The following PANX1 variants were observed in gnomAD, a reference collection of about 807,000 sequenced individuals.
PANX1 encodes the protein pannexin 1.
In PANX1, 30 loss-of-function variants were observed where a neutral mutation model predicts 38.7. The ratio of observed to expected loss-of-function variants is 0.78; its 90% CI spans 0.58 to 1.05. The LOEUF is 1.05. Ranked by LOEUF, PANX1 falls within the 50% of genes least tolerant of loss-of-function variation. PANX1 has a pLI of 0.00. For synonymous variants in PANX1, 230 were observed against 212.2 expected, an observed-to-expected ratio of 1.08 and a Z score of -0.73; for missense variants, 551 against 517.2, an observed-to-expected ratio of 1.07 and a Z score of -0.63.
At chr11:94,132,221 A>G (rs549345210) in intron 1 of PANX1, among the ~76,000 whole-genome samples, 13 of 152,342 alleles carry the variant, frequency 8.5e-5, no homozygotes, top group African/African-American at 3.1e-4. Flanking sequence ...GGTGTCAGAC[A>G]CACGTAGGAC....
intron 1 of PANX1, among the ~76,000 whole-genome samples, chr11:94,139,485 A>G (rs1473568370): frequency 6.6e-6 from 1 of 152,244 alleles, no homozygotes; most frequent in African/African-American, 2.4e-5. Flanking sequence ...ATTTTGATAT[A>G]TAATAAATAT....
intron 1 of PANX1, among the ~76,000 whole-genome samples, chr11:94,148,074 G>C (rs760411109): frequency 2.0e-5 from 3 of 152,096 alleles, no homozygotes; most frequent in Non-Finnish European, 4.4e-5. Flanking sequence ...AAAAAAAGAA[G>C]TATTTCAATT....
chr11:94,148,010 C>G (rs1439094396), intron 1 of PANX1, among the ~76,000 whole-genome samples: 1 of 152,052 alleles, frequency 6.6e-6, no homozygotes, highest in Non-Finnish European at 1.5e-5. Context: ...CTTTAAAAGC[C>G]AGGCTTAGCT....
chr11:94,180,777 T>C lies in PANX1; in HGVS notation c.1202-13T>C, dbSNP rs747392855. 5.7e-5 allele frequency: 80 copies of C among 1,396,092 alleles called. No individual in the cohort carries two copies. The South Asian group carries it at 8.7e-4, about 15-fold the overall frequency. The allele number at this position is 1,396,092 out of a possible 1,614,324, so 86.5% of individuals were successfully genotyped here. Reference sequence around the variant, plus strand: ...ATGTTTCTGTCATAAATATTTGTTTTCAATTTTGACAGGTATGAACATAGA... The same window carrying C: ...ATGTTTCTGTCATAAATATTTGTTTCCAATTTTGACAGGTATGAACATAGA... On this transcript the variant is annotated splice_polypyrimidine_tract_variant and intron_variant, in intron 4 of 4. Coordinates refer to ENST00000227638, the MANE Select transcript of PANX1 (RefSeq NM_015368.4).
In PANX1 at chr11:94,133,428, C is replaced by T. The variant is rs12803387; in HGVS notation, c.181+3935C>T. ...GTGGAGGCAACTTTGGTAGTCTTTG[C>T]GGCAGCCACTCATTGGTCCAGATGT... On this transcript the variant is annotated intron_variant, in intron 1 of 4. Coordinates refer to ENST00000227638, the MANE Select transcript of PANX1 (RefSeq NM_015368.4). Among the ~76,000 whole-genome samples the T allele has an allele frequency of 2.2e-3, 342 of 152,132 alleles. 1 individual carries two copies. The highest frequency in any genetic ancestry group is 4.1e-3 in the Non-Finnish European group (279 of 68,004).
At chr11:94,160,619 C>G (rs1475910475) in intron 2 of PANX1, among the ~76,000 whole-genome samples, 2 of 152,082 alleles carry the variant, frequency 1.3e-5, no homozygotes, top group Non-Finnish European at 2.9e-5. Flanking sequence ...CTATGTTTGT[C>G]TCTGCATGTG....
At chr11:94,140,318 G>A (rs969103692) in intron 1 of PANX1, among the ~76,000 whole-genome samples, 1 of 152,190 alleles carries the variant, frequency 6.6e-6, no homozygotes, top group African/African-American at 2.4e-5. Flanking sequence ...TATATATGTC[G>A]AAGTTCAGAC....
At chr11:94,129,889 C>T (rs573662732) in intron 1 of PANX1, among the ~76,000 whole-genome samples, 75 of 152,302 alleles carry the variant, frequency 4.9e-4, no homozygotes, top group Non-Finnish European at 7.1e-4. Flanking sequence ...TGAGTGGCTA[C>T]ATGGAGGATG....
At chr11:94,162,507 C>A (rs537098591) in intron 2 of PANX1, among the ~76,000 whole-genome samples, 28 of 152,356 alleles carry the variant, frequency 1.8e-4, no homozygotes, top group African/African-American at 6.3e-4. Flanking sequence ...GGGCGTAGGA[C>A]CCTCCGAGCC....
chr11:94,163,184 T>A (rs1176841188), intron 2 of PANX1, among the ~76,000 whole-genome samples: 1 of 152,250 alleles, frequency 6.6e-6, no homozygotes, highest in Non-Finnish European at 1.5e-5. Flanking sequence ...TTTTAAGTTT[T>A]ATGGTTACAT....
chr11:94,173,615 T>C (rs982096467), intron 2 of PANX1, among the ~76,000 whole-genome samples: 2 of 151,612 alleles, frequency 1.3e-5, no homozygotes, highest in Non-Finnish European at 2.9e-5. Context: ...CTCTTCTGTG[T>C]GGACACTGAA....
In PANX1 at chr11:94,178,602, C is replaced by T. The variant is rs766160455; in HGVS notation, c.545+10C>T. 1 of 1,597,250 alleles carries T rather than the reference C, an allele frequency of 6.3e-7. No homozygotes were observed. The highest frequency in any genetic ancestry group is 1.1e-5 in the South Asian group (1 of 90,712). On this transcript the variant is annotated intron_variant, in intron 3 of 4. Transcript: ENST00000227638. ...AGAACTTAGGGCAAAGGTAACTTAG[C>T]CCCAGCAGGCAGCTCATCGGGTTTT...
chr11:94,145,058 T>C (rs922160233), intron 1 of PANX1, among the ~76,000 whole-genome samples: 9 of 152,180 alleles, frequency 5.9e-5, no homozygotes, highest in Admixed American at 5.2e-4. Context: ...CATATCAGTG[T>C]AACTAATCAC....
At chr11:94,179,154 A>G (rs1947272538) in intron 3 of PANX1, among the ~76,000 whole-genome samples, 1 of 152,180 alleles carries the variant, frequency 6.6e-6, no homozygotes, top group African/African-American at 2.4e-5. Context: ...CAACATTACT[A>G]GTGCATTTGT....
At chr11:94,131,040 A>T (rs187600167) in intron 1 of PANX1, among the ~76,000 whole-genome samples, 1 of 152,364 alleles carries the variant, frequency 6.6e-6, no homozygotes, top group East Asian at 1.9e-4. Flanking sequence ...CAAAACCACC[A>T]AGTAGCATGA....
chr11:94,180,771 T>G lies in PANX1; in HGVS notation c.1202-19T>G, dbSNP rs2134530308. On this transcript the variant is annotated intron_variant, in intron 4 of 4. Coordinates refer to ENST00000227638, the MANE Select transcript of PANX1 (RefSeq NM_015368.4). Reference sequence around the variant, plus strand: ...CCTGCTATGTTTCTGTCATAAATATTTGTTTTCAATTTTGACAGGTATGAA... The same window carrying G: ...CCTGCTATGTTTCTGTCATAAATATGTGTTTTCAATTTTGACAGGTATGAA... The G allele has an allele frequency of 7.6e-7, 1 of 1,312,736 alleles. No homozygotes were observed. Among genetic ancestry groups the G allele is most frequent in the East Asian group, 2.3e-5 (1 of 43,498 alleles). 81.3% of individuals were successfully genotyped at this position (1,312,736 alleles called of 1,614,324 possible).
chr11:94,143,956 C>G (rs1162854271), intron 1 of PANX1, among the ~76,000 whole-genome samples: 1 of 152,050 alleles, frequency 6.6e-6, no homozygotes, highest in Non-Finnish European at 1.5e-5. Flanking sequence ...ACTTTATTGC[C>G]CAGACTGTTC....
intron 1 of PANX1, among the ~76,000 whole-genome samples, chr11:94,148,102 C>T (rs1946847931): frequency 6.6e-6 from 1 of 151,990 alleles, no homozygotes; most frequent in Admixed American, 6.6e-5. Context: ...TTAGTTTGGG[C>T]TGCGGAGGGT....
intron 2 of PANX1, among the ~76,000 whole-genome samples, chr11:94,155,556 C>T (rs371788834): frequency 2.6e-5 from 4 of 151,912 alleles, no homozygotes; most frequent in Non-Finnish European, 4.4e-5. Context: ...TGGCAAAACG[C>T]GCAATTACTT....
Sources: gnomAD v4.1 joint callset for allele counts (sites outside exome capture counted in the v4.1 genomes callset) on GRCh38, gnomAD v4.1.1 for gene constraint, MANE v1.5 for transcripts, NCBI Gene and HGNC (gene_info 2026-07-23, HGNC 2026-07-21) for gene names.